The following CYRIB variants were observed in gnomAD, a reference collection of about 807,000 sequenced individuals.
The protein encoded by CYRIB is CYFIP-related Rac1 interactor B.
Under a neutral mutation model 44.2 loss-of-function variants are expected in CYRIB, and 8 were observed. That is an observed-to-expected ratio of 0.18 (90% CI 0.11 to 0.33). CYRIB has a LOEUF of 0.33. Among genes scored for constraint, CYRIB ranks in the 10% least tolerant of loss-of-function variants. CYRIB has a pLI of 1.00. For missense variants in CYRIB, 185 were observed against 382.8 expected (o/e 0.48, Z 4.31); for synonymous variants, 131 against 127.2 (o/e 1.03, Z -0.20).
chr8:129,893,959 T>C (rs2020399), intron 2 of CYRIB, among the ~76,000 whole-genome samples: 2 of 152,194 alleles, frequency 1.3e-5, no homozygotes, highest in Non-Finnish European at 2.9e-5. Flanking sequence ...TGATATACTG[T>C]GCATTCTTTG....
chr8:129,984,611 T>C (rs2096380489), intron 1 of CYRIB, among the ~76,000 whole-genome samples: 1 of 151,976 alleles, frequency 6.6e-6, no homozygotes, highest in South Asian at 2.1e-4. Flanking sequence ...ACACCTTTTT[T>C]CCTCCCTCTT....
chr8:129,843,315 G>A (rs750566797), intron 11 of CYRIB, among the ~76,000 whole-genome samples: 1 of 152,198 alleles, frequency 6.6e-6, no homozygotes, highest in Non-Finnish European at 1.5e-5. Context: ...AGCAGGAGAG[G>A]GGTGTGCTGC....
chr8:129,983,087 T>C (rs1185460891), intron 1 of CYRIB, among the ~76,000 whole-genome samples: 1 of 150,856 alleles, frequency 6.6e-6, no homozygotes, highest in East Asian at 1.9e-4. Context: ...GGAGAGAGGA[T>C]TGTTTGAGCC....
At chr8:129,896,363 T>C (rs138238412) in intron 2 of CYRIB, among the ~76,000 whole-genome samples, 224 of 152,290 alleles carry the variant, frequency 1.5e-3, no homozygotes, top group African/African-American at 4.9e-3. Flanking sequence ...ATAATTCAAA[T>C]ACAAGATCTA....
intron 2 of CYRIB, among the ~76,000 whole-genome samples, chr8:129,894,965 T>G (rs1171991087): frequency 6.6e-6 from 1 of 150,926 alleles, no homozygotes; most frequent in Non-Finnish European, 1.5e-5. Flanking sequence ...AGACAGGGTC[T>G]TGCTCTTTTT....
intron 2 of CYRIB, among the ~76,000 whole-genome samples, chr8:129,963,384 C>G (rs2095351232): frequency 6.6e-6 from 1 of 152,210 alleles, no homozygotes; most frequent in African/African-American, 2.4e-5. Flanking sequence ...TGCATGCTGG[C>G]TATACACAGA....
chr8:129,881,061 C>A (rs1029204883), intron 2 of CYRIB, among the ~76,000 whole-genome samples: 2 of 152,170 alleles, frequency 1.3e-5, no homozygotes, highest in African/African-American at 4.8e-5. Flanking sequence ...CACAACTATA[C>A]CATGTATGGA....
chr8:129,969,998 C>T (rs994739462), intron 2 of CYRIB, among the ~76,000 whole-genome samples: 9 of 152,072 alleles, frequency 5.9e-5, no homozygotes, highest in East Asian at 3.8e-4. Flanking sequence ...TGTTGACAGA[C>T]GTCAGAATAG....
intron 2 of CYRIB, among the ~76,000 whole-genome samples, chr8:129,953,489 C>A (rs180943412): frequency 6.6e-6 from 1 of 152,216 alleles, no homozygotes; most frequent in Non-Finnish European, 1.5e-5. Flanking sequence ...ATCCCCTGTG[C>A]ACGTGCTCTC....
intron 1 of CYRIB, among the ~76,000 whole-genome samples, chr8:129,913,767 T>A (rs184855381): frequency 6.6e-6 from 1 of 152,156 alleles, no homozygotes. Context: ...TACCACCTAA[T>A]TGGGTTATTA....
chr8:130,012,239 G>T (rs2097240494), intron 1 of CYRIB, among the ~76,000 whole-genome samples: 1 of 152,122 alleles, frequency 6.6e-6, no homozygotes, highest in Non-Finnish European at 1.5e-5. Context: ...TAAGCTCCAT[G>T]ACTCGTCCAT....
intron 4 of CYRIB, 143 bp from the exon 7 acceptor site, chr8:129,862,477 AT>A (rs1018697880): frequency 0.08 from 42,139 of 525,146 alleles, 24 homozygotes; most frequent in South Asian, 0.11. Flanking sequence ...AGTGTTGAAT[AT>A]TTTTTTTTTT....
chr8:129,905,993 G>C (rs1662863270), intron 1 of CYRIB, among the ~76,000 whole-genome samples: 1 of 152,098 alleles, frequency 6.6e-6, no homozygotes, highest in Non-Finnish European at 1.5e-5. Context: ...ATGGATAGGG[G>C]AAAAATCAAT....
At chr8:129,896,019 A>G (rs907955081) in intron 2 of CYRIB, among the ~76,000 whole-genome samples, 10 of 152,092 alleles carry the variant, frequency 6.6e-5, no homozygotes, top group African/African-American at 2.2e-4. Context: ...AGATTTTTCT[A>G]TTATTTAGAA....
At chr8:129,971,249 G>A (rs763505510) in intron 1 of CYRIB, among the ~76,000 whole-genome samples, 6 of 152,022 alleles carry the variant, frequency 3.9e-5, no homozygotes, top group East Asian at 1.9e-4. Flanking sequence ...AAGCAAGCAT[G>A]CCTGGCTAAT....
At chr8:129,974,369 A>G (rs2132330888) in intron 1 of CYRIB, among the ~76,000 whole-genome samples, 1 of 152,288 alleles carries the variant, frequency 6.6e-6, no homozygotes, top group East Asian at 1.9e-4. Flanking sequence ...TATTTTAAGA[A>G]GAAAACCCTT....
chr8:129,937,215 GA>G (rs2129826960), intron 1 of CYRIB, among the ~76,000 whole-genome samples: 1 of 152,300 alleles, frequency 6.6e-6, no homozygotes, highest in South Asian at 2.1e-4. Flanking sequence ...TGTAGTTACA[GA>G]AAAGAAGAGA....
chr8:129,989,925 G>A (rs1233291805), intron 1 of CYRIB, among the ~76,000 whole-genome samples: 1 of 151,728 alleles, frequency 6.6e-6, no homozygotes, highest in Non-Finnish European at 1.5e-5. Flanking sequence ...ATAGTTTGCT[G>A]AGAATGATGG....
chr8:129,955,753 A>C (rs919916141), intron 2 of CYRIB, among the ~76,000 whole-genome samples: 2 of 152,220 alleles, frequency 1.3e-5, no homozygotes, highest in African/African-American at 4.8e-5. Context: ...AGCGGTGTTG[A>C]TGGATGAACC....
Sources: allele counts gnomAD v4.1 joint callset (sites outside exome capture counted in the v4.1 genomes callset), GRCh38; gene constraint gnomAD v4.1.1; transcripts MANE v1.5; gene names NCBI Gene and HGNC (gene_info 2026-07-23, HGNC 2026-07-21).